Variants in PCDHA3 observed in about 807,000 individuals in gnomAD.
The protein encoded by PCDHA3 is protocadherin alpha 3.
PCDHA3 carries 41 observed loss-of-function variants against 62.2 expected under a neutral mutation model. The ratio of observed to expected loss-of-function variants is 0.66; its 90% CI spans 0.51 to 0.86. The LOEUF is 0.86. Ranked by LOEUF, PCDHA3 falls within the 40% of genes least tolerant of loss-of-function variation. The probability of loss-of-function intolerance (pLI) is 0.00; values close to 1 mark genes in which losing one functional copy is unlikely to be tolerated. For missense variants in PCDHA3, 1,304 were observed against 1,241.2 expected, an observed-to-expected ratio of 1.05 and a Z score of -0.76; for synonymous variants, 640 against 555.4, an observed-to-expected ratio of 1.15 and a Z score of -2.14.
In PCDHA3 at chr5:140,856,910, A is replaced by G. The variant is rs782378927; in HGVS notation, c.2394+53319A>G. On this transcript the variant is annotated intron_variant, in intron 1 of 3. Coordinates refer to ENST00000522353, the MANE Select transcript of PCDHA3 (RefSeq NM_018906.3). ...ATTTAGCTCTTTGGTCCCACCCACG[A>G]TAAGAAGGAAATTTTGGATAAACGA... 4.4e-6 allele frequency: 7 copies of G among 1,596,308 alleles called. No individual in the cohort carries two copies. In the South Asian group the frequency reaches 4.4e-5, roughly 10 times the overall value.
At chr5:140,803,987 A>C in intron 1 of PCDHA3, 1 of 282,340 alleles carries the variant, frequency 3.5e-6, no homozygotes, top group Non-Finnish European at 6.6e-6. Context: ...ACTTCCTACT[A>C]CCTGTTAGTA....
At chr5:140,991,563 C>T (rs577838155) in intron 3 of PCDHA3, among the ~76,000 whole-genome samples, 4 of 152,288 alleles carry the variant, frequency 2.6e-5, no homozygotes, top group South Asian at 4.1e-4. Context: ...CCTTTAGTTT[C>T]CAATAACAGG....
At chr5:140,871,197 C>T (rs1554165260) in intron 1 of PCDHA3, 1 of 1,613,664 alleles carries the variant, frequency 6.2e-7, no homozygotes, top group Admixed American at 1.7e-5. Flanking sequence ...TCAACGTGTA[C>T]CTGATCATCG....
chr5:140,849,369 A>T, intron 1 of PCDHA3: 1 of 1,490,294 alleles, frequency 6.7e-7, no homozygotes, highest in Non-Finnish European at 9.2e-7. Flanking sequence ...TATAAAATCC[A>T]AGTTCCACAT....
At chr5:140,851,288 A>C in intron 1 of PCDHA3, 1 of 1,036,248 alleles carries the variant, frequency 9.7e-7, no homozygotes, top group Non-Finnish European at 1.2e-6. Context: ...TAAGAAACCC[A>C]AGCAAAAATA....
At chr5:140,948,793 A>AT (rs1351130459) in intron 1 of PCDHA3, among the ~76,000 whole-genome samples, 1 of 150,328 alleles carries the variant, frequency 6.7e-6, no homozygotes, top group Non-Finnish European at 1.5e-5. Flanking sequence ...TTGTTGATAT[A>AT]TTTTCTATTG....
chr5:140,857,553 C>T, intron 1 of PCDHA3: 1 of 1,597,008 alleles, frequency 6.3e-7, no homozygotes, highest in Non-Finnish European at 8.6e-7. Flanking sequence ...GGCGAGCGCT[C>T]GCTGTCGAGC....
At chr5:140,838,126 GTGTGTT>G (rs1562369435) in intron 1 of PCDHA3, among the ~76,000 whole-genome samples, 1 of 138,748 alleles carries the variant, frequency 7.2e-6, no homozygotes, top group Admixed American at 7.2e-5. Context: ...GTGTGTGTGT[GTGTGTT>G]TGACAGAGTT....
At chr5:140,906,111 C>T (rs910809345) in intron 1 of PCDHA3, among the ~76,000 whole-genome samples, 1 of 152,100 alleles carries the variant, frequency 6.6e-6, no homozygotes, top group Admixed American at 6.5e-5. Flanking sequence ...TTTCCCAGTC[C>T]ACTGACACAA....
chr5:140,907,864 G>A (rs1033952784), intron 1 of PCDHA3, among the ~76,000 whole-genome samples: 3 of 152,202 alleles, frequency 2.0e-5, no homozygotes, highest in African/African-American at 7.2e-5. Context: ...GAGGCCAGCC[G>A]TTGGTGAGCA....
chr5:140,990,172 TGA>T (rs1341832599), intron 3 of PCDHA3, among the ~76,000 whole-genome samples: 1 of 152,022 alleles, frequency 6.6e-6, no homozygotes, highest in Non-Finnish European at 1.5e-5. Context: ...TATGAAAAGG[TGA>T]CTTTTAAGAA....
intron 1 of PCDHA3, among the ~76,000 whole-genome samples, chr5:140,974,134 C>T (rs1212348196): frequency 1.3e-5 from 2 of 152,290 alleles, no homozygotes; most frequent in East Asian, 1.9e-4. Flanking sequence ...AATCTGCTAA[C>T]CTGAAAACTA....
At position 140,801,933 on chromosome 5, in the gene PCDHA3, A is replaced by C; in HGVS notation, c.736A>C (p.Ile246Leu). 6.2e-7 allele frequency: 1 copy of C among 1,614,226 alleles called. No homozygotes were observed. Among genetic ancestry groups the C allele is most frequent in the Non-Finnish European group, 8.5e-7 (1 of 1,180,042 alleles). The stretch of plus-strand genomic sequence containing the variant: ...CAACGCCCCAGCGTTTGAGAGGACG[A>C]TCTATAAAGTCAGATTACTCGAAAA... ...NDNAPAFERT[I>L]YKVRLLENAP... The change falls in exon 1 of 4, where the codon ATC (isoleucine) becomes CTC (leucine). Residue 246 changes from isoleucine to leucine, a missense_variant. Coordinates refer to ENST00000522353, the MANE Select transcript of PCDHA3 (RefSeq NM_018906.3).
intron 1 of PCDHA3, among the ~76,000 whole-genome samples, chr5:140,970,530 T>C (rs1554232541): frequency 6.6e-6 from 1 of 151,424 alleles, no homozygotes; most frequent in Non-Finnish European, 1.5e-5. Context: ...GATGAATATG[T>C]GTGTGTGTTT....
intron 1 of PCDHA3, chr5:140,927,901 GC>G (rs1423958386): frequency 3.1e-6 from 5 of 1,614,084 alleles, no homozygotes; most frequent in Non-Finnish European, 4.2e-6. Context: ...GAACGATCAT[GC>G]CCCCGAACTG....
At chr5:140,803,791 T>G in intron 1 of PCDHA3, 200 bp downstream of exon 1, 1 of 827,544 alleles carries the variant, frequency 1.2e-6, no homozygotes, top group Non-Finnish European at 1.8e-6. Flanking sequence ...AGTTATGATA[T>G]CCACACTTGT....
At chr5:140,834,191 T>A in intron 1 of PCDHA3, 1 of 586,888 alleles carries the variant, frequency 1.7e-6, no homozygotes, top group Non-Finnish European at 3.0e-6. Context: ...ATGATGTCGC[T>A]CTTTACCGCA....
chr5:140,912,612 A>T (rs1286245692), intron 1 of PCDHA3, among the ~76,000 whole-genome samples: 1 of 151,994 alleles, frequency 6.6e-6, no homozygotes, highest in South Asian at 2.1e-4. Context: ...CTCTTGTCTG[A>T]TTACTCTGGA....
intron 1 of PCDHA3, chr5:140,824,781 C>T (rs140660450): frequency 8.6e-5 from 13 of 151,794 alleles, no homozygotes; most frequent in Admixed American, 5.2e-4. Flanking sequence ...TTTAACACCA[C>T]CCTTCCAATT....
Sources: allele counts gnomAD v4.1 joint callset (sites outside exome capture counted in the v4.1 genomes callset), GRCh38; gene constraint gnomAD v4.1.1; transcripts MANE v1.5; gene names NCBI Gene and HGNC (gene_info 2026-07-23, HGNC 2026-07-21).